The following HIF3A variants were observed in gnomAD, a reference collection of about 807,000 sequenced individuals.
HIF3A encodes hypoxia-inducible factor 3-alpha.
Under a neutral mutation model 67.2 loss-of-function variants are expected in HIF3A, and 41 were observed. That is an observed-to-expected ratio of 0.61 (90% CI 0.48 to 0.79). The LOEUF is 0.79. HIF3A is among the 30% of genes least tolerant of loss of function. HIF3A has a pLI of 0.00. For synonymous variants in HIF3A, 356 were observed against 374.8 expected, an observed-to-expected ratio of 0.95 and a Z score of 0.58; for missense variants, 855 against 898.0, an observed-to-expected ratio of 0.95 and a Z score of 0.61.
intron 14 of HIF3A, among the ~76,000 whole-genome samples, chr19:46,336,233 C>A (rs368020068): frequency 6.6e-6 from 1 of 151,468 alleles, no homozygotes; most frequent in East Asian, 2.0e-4. Context: ...ACTGGGACTA[C>A]AGGCGCCCGC....
intron 10 of HIF3A, among the ~76,000 whole-genome samples, chr19:46,324,963 T>A (rs866081955): frequency 7.5e-6 from 1 of 133,028 alleles, no homozygotes. Flanking sequence ...TATATACACA[T>A]ACACACACAC....
chr19:46,299,765 C>T (rs1968172277), intron 1 of HIF3A, among the ~76,000 whole-genome samples: 2 of 150,714 alleles, frequency 1.3e-5, no homozygotes, highest in African/African-American at 4.9e-5. Context: ...TATCACACTC[C>T]CTTTCCACCA....
chr19:46,303,859 T>G, intron 1 of HIF3A, 39 bp from the exon 2 acceptor site: 1 of 1,587,276 alleles, frequency 6.3e-7, no homozygotes, highest in Non-Finnish European at 8.6e-7. Context: ...CTTTTCTCTT[T>G]CCCGAGTCAC....
rs1476895562 is a variant in HIF3A at position 46,343,271 on chromosome 19, G to C, written c.*3649G>C. 6.5e-6 allele frequency: 1 copy of C among 152,764 alleles called. No individual in the cohort carries two copies. Among genetic ancestry groups the C allele is most frequent in the East Asian group, 1.9e-4 (1 of 5,170 alleles). The allele number at this position is 152,764 out of a possible 1,614,324, so 9.5% of individuals were successfully genotyped here. ...AGTGGCCTATCCAGATTGGTGCTAT[G>C]GGGGGGTCTGACCCCTCCCTCCTCC... On this transcript the variant is annotated 3_prime_UTR_variant, in exon 15 of 15. Coordinates refer to ENST00000377670, the MANE Select transcript of HIF3A (RefSeq NM_152795.4).
intron 11 of HIF3A, 71 bp from the exon 12 acceptor site, chr19:46,329,136 G>C: frequency 7.0e-7 from 1 of 1,422,736 alleles, no homozygotes; most frequent in South Asian, 1.3e-5. Context: ...AGAAGTGATG[G>C]TGCTGGGACT....
At chr19:46,326,064 C>T (rs551165232) in intron 11 of HIF3A, among the ~76,000 whole-genome samples, 24 of 152,314 alleles carry the variant, frequency 1.6e-4, no homozygotes, top group African/African-American at 5.3e-4. Flanking sequence ...ACCTTATCTG[C>T]TGGTTTTTGC....
chr19:46,329,741 T>C (rs34783366), intron 12 of HIF3A, among the ~76,000 whole-genome samples: 3,554 of 152,210 alleles, frequency 0.023, 165 homozygotes, highest in African/African-American at 0.081. Context: ...CTTTGGAACA[T>C]AGTTATATCT....
chr19:46,320,792 C>A (rs1016137757), intron 9 of HIF3A, among the ~76,000 whole-genome samples: 14 of 152,210 alleles, frequency 9.2e-5, no homozygotes, highest in African/African-American at 3.4e-4. Flanking sequence ...TCTCTCCTGT[C>A]CTCCCTCCCC....
chr19:46,308,673 G>A lies in HIF3A; in HGVS notation c.459G>A (p.Arg153=). ...CCCGGGCCTCCCCAGCCCTGTCCAG[G>A]AGGAAGGTGGAGGCCCCCACGGAGC... ...DALTPQQTLS[R]RKVEAPTERC... The change falls in exon 5 of 15, where the codon AGG becomes AGA. Residue 153 remains arginine, a synonymous_variant. Transcript: ENST00000377670. The A allele has an allele frequency of 6.2e-7, 1 of 1,604,924 alleles. No individual in the cohort carries two copies. The highest frequency in any genetic ancestry group is 8.5e-7 in the Non-Finnish European group (1 of 1,176,014).
intron 1 of HIF3A, 113 bp from the exon 2 acceptor site, chr19:46,303,784 CG>C (rs1266861897): frequency 3.3e-6 from 5 of 1,492,948 alleles, no homozygotes; most frequent in Non-Finnish European, 4.6e-6. Flanking sequence ...CCTGCGCAGC[CG>C]CGGCCCAGCA....
intron 8 of HIF3A, among the ~76,000 whole-genome samples, chr19:46,317,711 G>A (rs1004806645): frequency 2.0e-5 from 3 of 152,114 alleles, no homozygotes; most frequent in African/African-American, 7.2e-5. Context: ...TTGCACCAGA[G>A]CACTTAAAAC....
chr19:46,299,867 A>C (rs1050896613), intron 1 of HIF3A, among the ~76,000 whole-genome samples: 4 of 152,196 alleles, frequency 2.6e-5, no homozygotes, highest in African/African-American at 9.7e-5. Context: ...CTCAAGTCAG[A>C]GTAGACAGAC....
At chr19:46,325,687 G>T (rs1157766997) in intron 11 of HIF3A, 48 bp downstream of exon 11, 5 of 1,297,428 alleles carry the variant, frequency 3.9e-6, no homozygotes, top group Non-Finnish European at 5.6e-6. Flanking sequence ...GTGTTCTGGG[G>T]ATTCACATAT....
intron 1 of HIF3A, 195 bp from the exon 2 acceptor site, chr19:46,303,703 G>A (rs1236406884): frequency 6.3e-7 from 1 of 1,577,510 alleles, no homozygotes; most frequent in Non-Finnish European, 8.6e-7. Context: ...ATCAGGGCTA[G>A]GAAGGGCTCC....
intron 4 of HIF3A, 163 bp from the exon 5 acceptor site, chr19:46,308,499 TG>T: frequency 3.2e-6 from 2 of 631,764 alleles, no homozygotes; most frequent in Non-Finnish European, 2.7e-6. Flanking sequence ...AGCCCTGCCC[TG>T]GGGGGTCCAA....
At chr19:46,309,493 C>G (rs1342855793) in intron 6 of HIF3A, 134 bp downstream of exon 6, 2 of 616,588 alleles carry the variant, frequency 3.2e-6, no homozygotes, top group East Asian at 5.8e-5. Context: ...CTTTGTGTGC[C>G]TGCCTGTCTC....
intron 10 of HIF3A, among the ~76,000 whole-genome samples, chr19:46,323,060 T>G (rs571668954): frequency 1.1e-4 from 17 of 151,492 alleles, no homozygotes; most frequent in South Asian, 6.3e-4. Flanking sequence ...TTTTGTTGTT[T>G]TTTTTTTGAG....
Position 46,338,176 on chromosome 19 carries a change from C to T in HIF3A, c.1913-1349C>T, listed in dbSNP as rs140092272. ...CTAGCACCTGGCACAGTGCCTGACA[C>T]AAAGTAGGTGCTCAGTAAACATGTT... On this transcript the variant is annotated intron_variant, in intron 14 of 14. Transcript: ENST00000377670. 2,560 of 454,058 alleles carry T rather than the reference C, an allele frequency of 5.6e-3. 11 individuals are homozygous for T. The highest frequency in any genetic ancestry group is 8.3e-3 in the Middle Eastern group (12 of 1,446). 28.1% of individuals were successfully genotyped at this position (454,058 alleles called of 1,614,324 possible). A position where few individuals can be genotyped will look rare whatever the true frequency, so the allele number is the denominator to read the frequency against.
chr19:46,323,460 G>T (rs908459073), intron 10 of HIF3A, among the ~76,000 whole-genome samples: 1 of 152,084 alleles, frequency 6.6e-6, no homozygotes, highest in African/African-American at 2.4e-5. Context: ...TGTTTCCTGA[G>T]GCCTAACACA....
Sources: gnomAD v4.1 joint callset for allele counts (sites outside exome capture counted in the v4.1 genomes callset) on GRCh38, gnomAD v4.1.1 for gene constraint, MANE v1.5 for transcripts, NCBI Gene and HGNC (gene_info 2026-07-23, HGNC 2026-07-21) for gene names.